Variants in PDXDC1 observed in about 807,000 individuals in gnomAD.
PDXDC1 encodes the protein pyridoxal-dependent decarboxylase domain-containing protein 1.
PDXDC1 carries 42 observed loss-of-function variants against 100.1 expected under a neutral mutation model. That is an observed-to-expected ratio of 0.42 (90% confidence interval 0.33 to 0.54). PDXDC1 has a LOEUF of 0.54. Among genes scored for constraint, PDXDC1 ranks in the 20% least tolerant of loss-of-function variants. The probability of loss-of-function intolerance (pLI) is 0.10; values close to 1 mark genes in which losing one functional copy is unlikely to be tolerated. For missense variants in PDXDC1, 636 were observed against 979.2 expected, an observed-to-expected ratio of 0.65 and a Z score of 4.68; for synonymous variants, 260 against 371.7, an observed-to-expected ratio of 0.70 and a Z score of 3.46.
At chr16:15,109,924 C>T (rs1209633440) in intron 16 of PDXDC1, among the ~76,000 whole-genome samples, 3 of 141,678 alleles carry the variant, frequency 2.1e-5, no homozygotes, top group East Asian at 2.0e-4. Context: ...GAGGCTGAGG[C>T]GGGTGGATTA....
At chr16:15,053,958 A>G (rs1373168215) in intron 16 of PDXDC1, among the ~76,000 whole-genome samples, 1 of 152,106 alleles carries the variant, frequency 6.6e-6, no homozygotes, top group African/African-American at 2.4e-5. Flanking sequence ...CCAACCTTTA[A>G]TGTCTCCCTG....
intron 16 of PDXDC1, chr16:15,130,329 C>A (rs1432299550): frequency 1.3e-6 from 2 of 1,548,758 alleles, no homozygotes; most frequent in Admixed American, 3.9e-5. Flanking sequence ...CTCTGTCCGC[C>A]ACACCACGTC....
At chr16:15,028,140 C>A (rs1226041446) in intron 14 of PDXDC1, among the ~76,000 whole-genome samples, 3 of 152,296 alleles carry the variant, frequency 2.0e-5, no homozygotes, top group South Asian at 4.1e-4. Flanking sequence ...GCCTTCCCCC[C>A]TTCCACTCTC....
chr16:15,016,041 T>G (rs1318123097), intron 8 of PDXDC1, 88 bp from the exon 9 acceptor site: 1 of 1,554,568 alleles, frequency 6.4e-7, no homozygotes. Flanking sequence ...ACTTCCCTCC[T>G]AGGGCGATAA....
chr16:15,145,390 A>C, the PDXDC1 span, among the ~76,000 whole-genome samples: 9 of 152,346 alleles, frequency 5.9e-5, 1 homozygote, highest in East Asian at 7.7e-4. Context: ...GTACTCCCAC[A>C]GCTGTGACGT....
intron 1 of PDXDC1, chr16:14,989,937 C>T: frequency 2.0e-6 from 3 of 1,476,462 alleles, no homozygotes; most frequent in Non-Finnish European, 2.7e-6. Flanking sequence ...CTCCCGCAGG[C>T]CGCGCCAGGC....
chr16:15,035,997 C>T lies in PDXDC1; in HGVS notation c.2108-19C>T. 1 of 1,599,262 alleles carries T rather than the reference C, an allele frequency of 6.3e-7. No homozygotes were observed. Among genetic ancestry groups the T allele is most frequent in the Non-Finnish European group, 8.5e-7 (1 of 1,172,814 alleles). On this transcript the variant is annotated intron_variant, in intron 22 of 22. Transcript: ENST00000396410. The stretch of plus-strand genomic sequence containing the variant: ...TATCCTCACTGAGTTTCAGCGCAGT[C>T]TGTCTGCCCTTTCTGTAGGCCAGAA...
intron 16 of PDXDC1, among the ~76,000 whole-genome samples, chr16:15,114,945 T>C (rs1356834014): frequency 1.3e-5 from 2 of 148,422 alleles, no homozygotes; most frequent in Non-Finnish European, 3.0e-5. Context: ...TTTTTTTTTT[T>C]TTTGAGACAG....
At chr16:15,124,944 C>T (rs1338359887) in intron 16 of PDXDC1, among the ~76,000 whole-genome samples, 3 of 150,908 alleles carry the variant, frequency 2.0e-5, no homozygotes, top group East Asian at 2.0e-4. Context: ...GTTAGGAGTT[C>T]GAGACCAGCC....
At chr16:15,110,160 A>G (rs1320204022) in intron 16 of PDXDC1, among the ~76,000 whole-genome samples, 3 of 149,950 alleles carry the variant, frequency 2.0e-5, no homozygotes, top group Non-Finnish European at 3.0e-5. Context: ...AAAAAAAAAA[A>G]AGAGAGAGAG....
chr16:15,125,524 G>A (rs2047663306), intron 16 of PDXDC1: 7 of 1,545,456 alleles, frequency 4.5e-6, no homozygotes, highest in Admixed American at 1.7e-5. Context: ...CTGCACCAGG[G>A]CTCGAGGTTT....
intron 16 of PDXDC1, among the ~76,000 whole-genome samples, chr16:15,099,347 G>A (rs2046463426): frequency 6.8e-6 from 1 of 146,720 alleles, no homozygotes; most frequent in Non-Finnish European, 1.5e-5. Flanking sequence ...TTGAACCCAG[G>A]AGGCAGAGGT....
At chr16:15,057,689 A>G (rs577003918) in intron 16 of PDXDC1, among the ~76,000 whole-genome samples, 1 of 152,336 alleles carries the variant, frequency 6.6e-6, no homozygotes, top group African/African-American at 2.4e-5. Context: ...TTTGTAGAAT[A>G]GCATGTTTGT....
chr16:15,127,406 C>G, intron 16 of PDXDC1: 2 of 1,360,710 alleles, frequency 1.5e-6, no homozygotes, highest in Admixed American at 2.0e-5. Flanking sequence ...AGTGGCGGCT[C>G]TGGGCATGGT....
intron 16 of PDXDC1, among the ~76,000 whole-genome samples, chr16:15,079,434 G>A (rs1047390360): frequency 6.6e-6 from 1 of 152,114 alleles, no homozygotes; most frequent in Non-Finnish European, 1.5e-5. Context: ...AACTCATAAT[G>A]TATGTTTCAT....
At chr16:15,062,502 C>CT (rs757247770) in intron 16 of PDXDC1, among the ~76,000 whole-genome samples, 4 of 152,208 alleles carry the variant, frequency 2.6e-5, no homozygotes, top group Non-Finnish European at 5.9e-5. Flanking sequence ...CAGCGAAATT[C>CT]TTTATTACTG....
intron 16 of PDXDC1, among the ~76,000 whole-genome samples, chr16:15,129,475 G>A (rs1158975480): frequency 6.6e-6 from 1 of 152,238 alleles, no homozygotes; most frequent in Non-Finnish European, 1.5e-5. Flanking sequence ...GGGAATGCCA[G>A]AAGGGCAATT....
chr16:15,034,430 G>T lies in PDXDC1; in HGVS notation c.1906-27G>T, dbSNP rs759524766. 3.1e-6 allele frequency: 5 copies of T among 1,613,214 alleles called. No individual in the cohort carries two copies. The Admixed American group carries it at 6.7e-5, about 21-fold the overall frequency. On this transcript the variant is annotated intron_variant, in intron 20 of 22. Coordinates refer to ENST00000396410, the MANE Select transcript of PDXDC1 (RefSeq NM_015027.4). Reference sequence around the variant, plus strand: ...GGGGGAGCCGCCGTGAGGCCAGGTGGCCCTGAACTCTGGTCCTGTCTTGCA... The same window carrying T: ...GGGGGAGCCGCCGTGAGGCCAGGTGTCCCTGAACTCTGGTCCTGTCTTGCA...
the PDXDC1 span, among the ~76,000 whole-genome samples, chr16:15,147,873 G>A: frequency 6.6e-6 from 1 of 152,120 alleles, no homozygotes; most frequent in Middle Eastern, 3.4e-3. Flanking sequence ...ATTTTTAGTA[G>A]AACGGGTTTC....
Sources: allele counts gnomAD v4.1 joint callset (sites outside exome capture counted in the v4.1 genomes callset), GRCh38; gene constraint gnomAD v4.1.1; transcripts MANE v1.5; gene names NCBI Gene and HGNC (gene_info 2026-07-23, HGNC 2026-07-21).